ARHGAP22: variants seen among roughly 807,000 people sequenced by gnomAD.
ARHGAP22 encodes rho GTPase-activating protein 22.
ARHGAP22 carries 48 observed loss-of-function variants against 59.1 expected under a neutral mutation model. The ratio of observed to expected loss-of-function variants is 0.81; its 90% confidence interval spans 0.64 to 1.03. The LOEUF (loss-of-function observed/expected upper bound fraction) is 1.03. ARHGAP22 is among the 50% of genes least tolerant of loss of function. The pLI, the probability that ARHGAP22 is intolerant of heterozygous loss-of-function variation, is 0.00. For missense variants in ARHGAP22, 1,015 were observed against 958.7 expected, an observed-to-expected ratio of 1.06 and a Z score of -0.78; for synonymous variants, 445 against 416.4, an observed-to-expected ratio of 1.07 and a Z score of -0.84.
chr10:48,608,857 A>G (rs1046061431), upstream of ARHGAP22, among the ~76,000 whole-genome samples: 3 of 152,254 alleles, frequency 2.0e-5, no homozygotes, highest in Admixed American at 6.5e-5. Context: ...AAACTATTTA[A>G]GACAAAGGTA....
chr10:48,591,546 C>T lies in ARHGAP22; in HGVS notation c.35-8394G>A, dbSNP rs74130585. Among the ~76,000 whole-genome samples the T allele has an allele frequency of 3.9e-3, 592 of 152,190 alleles. 4 individuals are homozygous for T. The highest frequency in any genetic ancestry group is 0.013 in the African/African-American group (551 of 41,498). On this transcript the variant is annotated intron_variant, in intron 1 of 9. Transcript: ENST00000249601. ...AATGCAGACTACAGCCATAAGATAC[C>T]GCACTGTGTACCATTTAGATAGGTA... is the stretch of plus-strand genomic sequence containing the variant.
intron 2 of ARHGAP22, among the ~76,000 whole-genome samples, chr10:48,578,524 ATGTGTGTGTGTG>A (rs3076347): frequency 4.0e-5 from 6 of 150,072 alleles, no homozygotes; most frequent in East Asian, 2.0e-4. Flanking sequence ...TATGCAGTGT[ATGTGTGTGTGTG>A]TGTGTGTGTG....
At chr10:48,496,362 T>A (rs2050928188) in intron 3 of ARHGAP22, among the ~76,000 whole-genome samples, 1 of 152,186 alleles carries the variant, frequency 6.6e-6, no homozygotes, top group Non-Finnish European at 1.5e-5. Context: ...CAGCCTACTA[T>A]GCGCCAGTCA....
intron 1 of ARHGAP22, among the ~76,000 whole-genome samples, chr10:48,602,243 AC>A (rs2135892720): frequency 6.6e-6 from 1 of 152,274 alleles, no homozygotes; most frequent in South Asian, 2.1e-4. Flanking sequence ...CAAAGTATTG[AC>A]CAGGCTCTGA....
At chr10:48,434,182 T>G in the ARHGAP22 span, among the ~76,000 whole-genome samples, 1 of 152,202 alleles carries the variant, frequency 6.6e-6, no homozygotes, top group Non-Finnish European at 1.5e-5. Flanking sequence ...TTGCTCTTAC[T>G]ATATTTAATA....
At chr10:48,447,421 G>C (rs556640077) in intron 9 of ARHGAP22, among the ~76,000 whole-genome samples, 41 of 152,332 alleles carry the variant, frequency 2.7e-4, no homozygotes, top group African/African-American at 9.6e-4. Flanking sequence ...GAGGGTAACT[G>C]CTCCTCAGAG....
At chr10:48,644,041 G>A (rs1171889291) in intron 1 of ARHGAP22, among the ~76,000 whole-genome samples, 2 of 152,170 alleles carry the variant, frequency 1.3e-5, no homozygotes, top group Non-Finnish European at 2.9e-5. Flanking sequence ...CAGCTACGTG[G>A]GAGGCTGAGG....
intron 3 of ARHGAP22, chr10:48,524,239 T>C (rs894328901): frequency 2.6e-6 from 1 of 390,000 alleles, no homozygotes; most frequent in Non-Finnish European, 3.5e-6. Flanking sequence ...GGCCCGCGGC[T>C]CCCGGGCCCT....
At chr10:48,439,603 C>T in the ARHGAP22 span, among the ~76,000 whole-genome samples, 1 of 152,062 alleles carries the variant, frequency 6.6e-6, no homozygotes, top group African/African-American at 2.4e-5. Context: ...TGCTTCAATG[C>T]CCTTAACCTA....
intron 2 of ARHGAP22, among the ~76,000 whole-genome samples, chr10:48,564,723 CA>C (rs1325790937): frequency 6.6e-6 from 1 of 152,212 alleles, no homozygotes; most frequent in African/African-American, 2.4e-5. Flanking sequence ...CCATCATTTT[CA>C]GGAAACAAAG....
chr10:48,641,724 A>G (rs2062054588), intron 1 of ARHGAP22, among the ~76,000 whole-genome samples: 1 of 152,226 alleles, frequency 6.6e-6, no homozygotes, highest in African/African-American at 2.4e-5. Flanking sequence ...TATTCAACAT[A>G]GTGTTGGAAG....
intron 2 of ARHGAP22, among the ~76,000 whole-genome samples, chr10:48,577,629 T>G (rs2058804652): frequency 1.3e-5 from 2 of 151,908 alleles, no homozygotes; most frequent in Non-Finnish European, 2.9e-5. Context: ...CACCCAACCT[T>G]CCTGTTCTCT....
At chr10:48,577,133 G>A (rs940247616) in intron 2 of ARHGAP22, among the ~76,000 whole-genome samples, 1 of 152,056 alleles carries the variant, frequency 6.6e-6, no homozygotes, top group African/African-American at 2.4e-5. Context: ...TCCTAGAAGT[G>A]TCAAGTTTTC....
intron 1 of ARHGAP22, among the ~76,000 whole-genome samples, chr10:48,594,809 A>G (rs1380607292): frequency 6.6e-6 from 1 of 152,126 alleles, no homozygotes; most frequent in Non-Finnish European, 1.5e-5. Context: ...TTGGGGGCTC[A>G]GGCTGAGACC....
intron 5 of ARHGAP22, 146 bp from the exon 6 acceptor site, chr10:48,455,280 C>G (rs2046381238): frequency 9.9e-7 from 1 of 1,011,124 alleles, no homozygotes; most frequent in Non-Finnish European, 1.4e-6. Context: ...GCCAGCTGCC[C>G]TGGTCAAGGA....
At chr10:48,599,892 G>C (rs1236335465) in intron 1 of ARHGAP22, among the ~76,000 whole-genome samples, 1 of 152,182 alleles carries the variant, frequency 6.6e-6, no homozygotes, top group East Asian at 1.9e-4. Context: ...GGGTTGGACA[G>C]GATCTGACAG....
upstream of ARHGAP22, chr10:48,652,658 G>A (rs1051314935): frequency 9.7e-5 from 21 of 215,598 alleles, no homozygotes; most frequent in African/African-American, 3.0e-4. Context: ...AGCACACATC[G>A]GATGCTATAT....
Position 48,446,418 on chromosome 10 carries a change from C to T in ARHGAP22, c.2070G>A (p.Gly690=). 6.2e-7 allele frequency: 1 copy of T among 1,614,126 alleles called. No individual in the cohort carries two copies. The highest frequency in any genetic ancestry group is 8.5e-7 in the Non-Finnish European group (1 of 1,180,004). Residue 690 remains glycine, a synonymous_variant, in exon 10 of 10, where the codon GGG becomes GGA. Coordinates refer to ENST00000249601, the MANE Select transcript of ARHGAP22 (RefSeq NM_021226.4). ...ACTTTGGGGCCCTGGCACCTTTTGC[C>T]CCAACAGTCAAGCTTCCTAGGGTCG... ...FFSTLGSLTV[G]AKGARAPK
chr10:48,463,560 C>A (rs1302874715), intron 4 of ARHGAP22, among the ~76,000 whole-genome samples: 3 of 152,210 alleles, frequency 2.0e-5, no homozygotes, highest in African/African-American at 7.2e-5. Context: ...TGGCATGAAT[C>A]CGTCTGCCTT....
Sources: allele counts gnomAD v4.1 joint callset (sites outside exome capture counted in the v4.1 genomes callset), GRCh38; gene constraint gnomAD v4.1.1; transcripts MANE v1.5; gene names NCBI Gene and HGNC (gene_info 2026-07-23, HGNC 2026-07-21).